The following RAB30 variants were observed in gnomAD, a reference collection of about 807,000 sequenced individuals.
RAB30 encodes ras-related protein Rab-30.
In RAB30, 9 loss-of-function variants were observed where a neutral mutation model predicts 25.1. That is an observed-to-expected ratio of 0.36 (90% CI 0.22 to 0.63). The LOEUF is 0.63. RAB30 is among the 20% of genes least tolerant of loss of function. RAB30 has a pLI of 0.69. For synonymous variants in RAB30, 77 were observed against 86.4 expected, an observed-to-expected ratio of 0.89 and a Z score of 0.60; for missense variants, 140 against 243.5, an observed-to-expected ratio of 0.58 and a Z score of 2.83.
chr11:83,035,929 T>C (rs886707903), intron 1 of RAB30, among the ~76,000 whole-genome samples: 4 of 152,184 alleles, frequency 2.6e-5, no homozygotes, highest in African/African-American at 9.7e-5. Flanking sequence ...TGAAACTTGA[T>C]AGAACTCTTC....
At chr11:83,014,806 C>CAGGA (rs778220308) in intron 1 of RAB30, among the ~76,000 whole-genome samples, 7 of 135,432 alleles carry the variant, frequency 5.2e-5, no homozygotes, top group East Asian at 2.1e-4. Context: ...GGGAGGGAGG[C>CAGGA]AGGAAGGAAG....
chr11:83,040,468 G>A (rs1315404337), intron 1 of RAB30, among the ~76,000 whole-genome samples: 3 of 152,016 alleles, frequency 2.0e-5, no homozygotes, highest in Admixed American at 6.6e-5. Flanking sequence ...GTGGACACCT[G>A]TAATTCCAGC....
At chr11:82,992,776 C>T (rs1039587828) in intron 3 of RAB30, among the ~76,000 whole-genome samples, 1 of 151,658 alleles carries the variant, frequency 6.6e-6, no homozygotes, top group Admixed American at 6.6e-5. Context: ...CACACACGGT[C>T]TCGTTCTGTC....
At chr11:83,016,715 A>G (rs1218428048) in intron 1 of RAB30, among the ~76,000 whole-genome samples, 1 of 152,228 alleles carries the variant, frequency 6.6e-6, no homozygotes, top group Non-Finnish European at 1.5e-5. Flanking sequence ...ATACAACAGC[A>G]TTTGCAAAAG....
intron 1 of RAB30, chr11:83,034,636 G>A (rs116654068): frequency 6.6e-6 from 1 of 152,100 alleles, no homozygotes; most frequent in South Asian, 2.1e-4. Flanking sequence ...CTGCATACAA[G>A]GCTAGTGAGG....
chr11:82,982,002 G>T lies in RAB30; in HGVS notation c.*163C>A. 1.1e-6 allele frequency: 1 copy of T among 887,570 alleles called. No individual in the cohort carries two copies. The highest frequency in any genetic ancestry group is 1.7e-6 in the Non-Finnish European group (1 of 579,380). 55.0% of individuals were successfully genotyped at this position (887,570 alleles called of 1,614,324 possible). A position where few individuals can be genotyped will look rare whatever the true frequency, so the allele number is the denominator to read the frequency against. ...AACCATTATATGTTCTGCTAATGCTGGCCTGTGGTCGAGGCCCTTGGCCTG... is the reference window on the plus strand; with the variant it reads ...AACCATTATATGTTCTGCTAATGCTTGCCTGTGGTCGAGGCCCTTGGCCTG... On this transcript the variant is annotated 3_prime_UTR_variant, in exon 5 of 5. Transcript: ENST00000527633.
rs1178606560 is a variant in RAB30 at position 83,006,933 on chromosome 11, A to C, written c.-8-9609T>G. On this transcript the variant is annotated intron_variant, in intron 1 of 4. Transcript: ENST00000527633. ...TATCCACAGTATGGCAGCCAAAACCAATGGATCAAACAATAGCTTGCTTGT... is the reference window on the plus strand; with the variant it reads ...TATCCACAGTATGGCAGCCAAAACCCATGGATCAAACAATAGCTTGCTTGT... Among the ~76,000 whole-genome samples, 5 of 152,254 alleles carry C rather than the reference A, an allele frequency of 3.3e-5. No individual in the cohort carries two copies. The East Asian group carries it at 9.6e-4, about 29-fold the overall frequency.
intron 1 of RAB30, among the ~76,000 whole-genome samples, chr11:83,052,509 A>G (rs2121518587): frequency 6.6e-6 from 1 of 152,366 alleles, no homozygotes; most frequent in Admixed American, 6.5e-5. Context: ...TCCATGTTGC[A>G]TGCAGCCATG....
chr11:83,047,862 A>G (rs1858266474), intron 1 of RAB30, among the ~76,000 whole-genome samples: 2 of 152,128 alleles, frequency 1.3e-5, no homozygotes, highest in African/African-American at 4.8e-5. Context: ...ATTTACAAGT[A>G]CAATACACTC....
At chr11:83,042,122 T>A (rs989098672) in intron 1 of RAB30, among the ~76,000 whole-genome samples, 1 of 152,096 alleles carries the variant, frequency 6.6e-6, no homozygotes, top group Non-Finnish European at 1.5e-5. Context: ...GAAAACTATA[T>A]ATTCCTTCAG....
At chr11:83,069,709 G>C (rs1858788748) in intron 1 of RAB30, among the ~76,000 whole-genome samples, 1 of 152,178 alleles carries the variant, frequency 6.6e-6, no homozygotes, top group South Asian at 2.1e-4. Context: ...ATTTCATGTA[G>C]AGCATTTAAA....
chr11:83,033,376 T>G (rs1490447764), intron 1 of RAB30, among the ~76,000 whole-genome samples: 1 of 152,140 alleles, frequency 6.6e-6, no homozygotes, highest in Non-Finnish European at 1.5e-5. Context: ...TGCCTCAAGT[T>G]CTTAAATGAC....
At chr11:82,992,736 AACACACACACACACAC>A (rs113845129) in intron 3 of RAB30, among the ~76,000 whole-genome samples, 3 of 131,220 alleles carry the variant, frequency 2.3e-5, no homozygotes, top group South Asian at 5.5e-4. Context: ...CTCTGTCACC[AACACACACACACACAC>A]ACACACACAC....
At chr11:83,039,175 A>G (rs1049899045) in intron 1 of RAB30, 1 of 152,228 alleles carries the variant, frequency 6.6e-6, no homozygotes, top group Non-Finnish European at 1.5e-5. Flanking sequence ...CATTTAGTAA[A>G]TATTTATTGA....
chr11:83,018,445 A>C (rs1199992756), intron 1 of RAB30, among the ~76,000 whole-genome samples: 1 of 152,032 alleles, frequency 6.6e-6, no homozygotes, highest in Non-Finnish European at 1.5e-5. Context: ...ATAATTACTG[A>C]TGTTGAGCAC....
chr11:83,007,325 G>A (rs1219464464), intron 1 of RAB30, among the ~76,000 whole-genome samples: 3 of 152,170 alleles, frequency 2.0e-5, no homozygotes, highest in African/African-American at 7.2e-5. Context: ...GCAGCCCTTA[G>A]AATACTTTTC....
chr11:83,025,144 T>C (rs1199953239), intron 1 of RAB30, among the ~76,000 whole-genome samples: 1 of 152,230 alleles, frequency 6.6e-6, no homozygotes, highest in Non-Finnish European at 1.5e-5. Flanking sequence ...GGACTTCACA[T>C]TGATAATACC....
intron 1 of RAB30, among the ~76,000 whole-genome samples, chr11:83,064,802 C>A (rs928858840): frequency 2.6e-5 from 4 of 152,160 alleles, no homozygotes; most frequent in African/African-American, 9.7e-5. Flanking sequence ...TTATCACATC[C>A]AAGAAAACTA....
rs1203513793 is a variant in RAB30, at chr11:82,979,095, C to T, written c.*3070G>A. On this transcript the variant is annotated 3_prime_UTR_variant, in exon 5 of 5. Transcript: ENST00000527633. ...TAATTCAACAGATTTAATAAAAGCA[C>T]ACAAAGGGAGAAAAAGCCTTCTATG... 1.3e-5 allele frequency: 2 copies of T among 152,100 alleles called. No homozygotes were observed. The highest frequency in any genetic ancestry group is 2.9e-5 in the Non-Finnish European group (2 of 68,000). The allele number at this position is 152,100 out of a possible 1,614,324, so 9.4% of individuals were successfully genotyped here. A position where few individuals can be genotyped will look rare whatever the true frequency, so the allele number is the denominator to read the frequency against.
Sources: gnomAD v4.1 joint callset for allele counts (sites outside exome capture counted in the v4.1 genomes callset) on GRCh38, gnomAD v4.1.1 for gene constraint, MANE v1.5 for transcripts, NCBI Gene and HGNC (gene_info 2026-07-23, HGNC 2026-07-21) for gene names.